Variants in ERCC2 observed in about 807,000 individuals in gnomAD.
ERCC2 encodes ERCC excision repair 2, TFIIH core complex helicase subunit.
Under a neutral mutation model 99.4 loss-of-function variants are expected in ERCC2, and 90 were observed. That is an observed-to-expected ratio of 0.91 (90% CI 0.76 to 1.08). The LOEUF is 1.08. ERCC2 is among the 50% of genes least tolerant of loss of function. ERCC2 has a pLI of 0.00. For missense variants in ERCC2, 993 were observed against 1,038.1 expected (o/e 0.96, Z 0.60); for synonymous variants, 497 against 432.4 (o/e 1.15, Z -1.85).
At chr19:45,363,585 G>A (rs1972302103) in intron 11 of ERCC2, among the ~76,000 whole-genome samples, 158 bp downstream of exon 11, 1 of 152,188 alleles carries the variant, frequency 6.6e-6, no homozygotes, top group Admixed American at 6.5e-5. Context: ...CTTGCTCCCG[G>A]ACCTCCCAGG....
intron 12 of ERCC2, among the ~76,000 whole-genome samples, chr19:45,361,294 G>A (rs1428891004): frequency 1.3e-5 from 2 of 152,040 alleles, no homozygotes; most frequent in Admixed American, 6.6e-5. Flanking sequence ...CACTGCCCAT[G>A]CCATCCTTCT....
rs1047407328 is a variant in ERCC2 at position 45,350,897 on chromosome 19, C to T, written c.*732G>A. On this transcript the variant is annotated 3_prime_UTR_variant, in exon 23 of 23. Transcript: ENST00000391945. ...CAAACCCTGTGCTGGAAAGGTCCCT[C>T]GTGGAGGGGGGCCACTCCTGGATTC... The T allele has an allele frequency of 1.6e-5, 26 of 1,584,712 alleles. No homozygotes were observed. Among genetic ancestry groups the T allele is most frequent in the East Asian group, 4.5e-5 (2 of 44,720 alleles).
At chr19:45,351,748 G>C (rs772080488) in intron 22 of ERCC2, 27 bp from the exon 23 acceptor site, 6 of 1,608,792 alleles carry the variant, frequency 3.7e-6, no homozygotes, top group South Asian at 2.2e-5. Context: ...AAAGGGAGAG[G>C]GGGGCACTGT....
chr19:45,367,805 G>A (rs1446793529), intron 5 of ERCC2, among the ~76,000 whole-genome samples: 1 of 151,564 alleles, frequency 6.6e-6, no homozygotes, highest in Admixed American at 6.6e-5. Context: ...GAGTCACCAT[G>A]CCCAGCCAAG....
chr19:45,370,147 T>G lies in ERCC2; in HGVS notation c.91A>C (p.Thr31Pro). 1 of 1,613,112 alleles carries G rather than the reference T, an allele frequency of 6.2e-7. No homozygotes were observed. Among genetic ancestry groups the G allele is most frequent in the Non-Finnish European group, 8.5e-7 (1 of 1,179,314 alleles). The part of the protein sequence containing the change: ...QFSYMRELKR[T>P]LDAKGHGVLE... ...CGGCCACCCACCTTGGCGTCCAGCG[T>G]GCGTTTGAGCTCCCGCATGTAGGAG... The change falls in exon 2 of 23, where the codon ACG becomes CCG. Residue 31 changes from threonine to proline, a missense_variant. Coordinates refer to ENST00000391945, the MANE Select transcript of ERCC2 (RefSeq NM_000400.4).
chr19:45,355,280 C>T (rs1198100263), intron 16 of ERCC2, among the ~76,000 whole-genome samples: 2 of 152,238 alleles, frequency 1.3e-5, no homozygotes, highest in Non-Finnish European at 2.9e-5. Context: ...TCGCTTGAAC[C>T]CGCAAGGCAG....
Position 45,360,721 on chromosome 19 carries a change from G to A in ERCC2, c.1237+803C>T, listed in dbSNP as rs138977298. Among the ~76,000 whole-genome samples the A allele has an allele frequency of 2.4e-3, 362 of 152,180 alleles. 3 individuals are homozygous for A. The highest frequency in any genetic ancestry group is 0.017 in the Middle Eastern group (5 of 294). ...TTTAGTAAAGATGGGGTTTCGCCATGTTCACCAGGCCAGTCTCGAACTCCT... is the reference window on the plus strand; with the variant it reads ...TTTAGTAAAGATGGGGTTTCGCCATATTCACCAGGCCAGTCTCGAACTCCT... On this transcript the variant is annotated intron_variant, in intron 12 of 22. Transcript: ENST00000391945.
chr19:45,359,923 T>C (rs1972152910), intron 12 of ERCC2, among the ~76,000 whole-genome samples: 1 of 151,744 alleles, frequency 6.6e-6, no homozygotes, highest in Non-Finnish European at 1.5e-5. Context: ...TATAGGTGCG[T>C]GCCACCACGT....
In ERCC2 at chr19:45,350,695, A is replaced by C. The variant is rs747727725; in HGVS notation, c.*934T>G. 2 of 1,613,490 alleles carry C rather than the reference A, an allele frequency of 1.2e-6. No homozygotes were observed. On this transcript the variant is annotated 3_prime_UTR_variant, in exon 23 of 23. Transcript: ENST00000391945. ...GATCCGTGAGTCTATCAGGCGAGGAAGTGAGAAGCTGGTCTCCCGGCTCCG... is the reference window on the plus strand; with the variant it reads ...GATCCGTGAGTCTATCAGGCGAGGACGTGAGAAGCTGGTCTCCCGGCTCCG...
chr19:45,364,381 T>C (rs1367256893), intron 8 of ERCC2, 43 bp downstream of exon 8: 3 of 1,613,746 alleles, frequency 1.9e-6, no homozygotes, highest in Non-Finnish European at 2.5e-6. Flanking sequence ...GGGGCCTCAC[T>C]CAGAGGGGCT....
chr19:45,351,060 G>C lies in ERCC2; in HGVS notation c.*569C>G, dbSNP rs199986033. 1 of 1,613,966 alleles carries C rather than the reference G, an allele frequency of 6.2e-7. No homozygotes were observed. Among genetic ancestry groups the C allele is most frequent in the East Asian group, 2.2e-5 (1 of 44,874 alleles). On this transcript the variant is annotated 3_prime_UTR_variant, in exon 23 of 23. Coordinates refer to ENST00000391945, the MANE Select transcript of ERCC2 (RefSeq NM_000400.4). Reference sequence around the variant, plus strand: ...GTCAAAAATAGAGGAGGCCATGTGGGTAGGTGCAGAGATGAGGCAAAGGCA... The same window carrying C: ...GTCAAAAATAGAGGAGGCCATGTGGCTAGGTGCAGAGATGAGGCAAAGGCA...
rs34517175 is a variant in ERCC2, at chr19:45,352,648, G to A, written c.1904C>T (p.Ala635Val). The A allele has an allele frequency of 6.3e-4, 1,010 of 1,613,814 alleles. 9 individuals are homozygous for A. Among genetic ancestry groups the A allele is most frequent in the Admixed American group, 2.9e-3 (175 of 60,004 alleles). ...CTGGTCCCGCAGGTATTCCAGCCGCGCCTGCAGATACGGAGGATGAGAAGC... is the reference window on the plus strand; with the variant it reads ...CTGGTCCCGCAGGTATTCCAGCCGCACCTGCAGATACGGAGGATGAGAAGC... The part of the protein sequence containing the change: ...YVYTQSRILK[A>V]RLEYLRDQFQ... Residue 635 changes from alanine (A) to valine (V), a missense_variant and splice_region_variant, in exon 21 of 23, where the codon GCG becomes GTG. By Grantham distance (64) the Ala-to-Val change is moderately conservative. This residue lies in a region of ERCC2 where 909 missense variants were observed against 930.8 expected (regional missense o/e 0.98). Transcript: ENST00000391945.
At position 45,361,628 on chromosome 19, in the gene ERCC2, C is replaced by T. The variant is rs200043231; in HGVS notation, c.1133G>A (p.Arg378His). The T allele has an allele frequency of 6.8e-6, 11 of 1,613,424 alleles. No homozygotes were observed. Among genetic ancestry groups the T allele is most frequent in the East Asian group, 2.2e-5 (1 of 44,870 alleles). Residue 378 changes from arginine to histidine, a missense_variant, in exon 12 of 23, where the codon CGC (arginine) becomes CAC (histidine). Coordinates refer to ENST00000391945, the MANE Select transcript of ERCC2 (RefSeq NM_000400.4). The stretch of plus-strand genomic sequence containing the variant: ...CAGAGTATGCAGCAGGGACCGGAGG[C>T]GTTCAGCACAGAATCTGGCGGGGAG... The part of the protein sequence containing the change: ...QRKPLRFCAE[R>H]LRSLLHTLEI...
In ERCC2 at chr19:45,350,475, C is replaced by T. The variant is rs1568527274; in HGVS notation, c.*1154G>A. The T allele has an allele frequency of 6.2e-7, 1 of 1,613,394 alleles. No individual in the cohort carries two copies. The highest frequency in any genetic ancestry group is 1.7e-5 in the Admixed American group (1 of 59,976). On this transcript the variant is annotated 3_prime_UTR_variant, in exon 23 of 23. Coordinates refer to ENST00000391945, the MANE Select transcript of ERCC2 (RefSeq NM_000400.4). ...TCTGTCTTCCCTCCTGGTGGCTTCT[C>T]TATGTCCCCATCTCAGTGTCCCCCA...
At chr19:45,352,875 C>A in intron 19 of ERCC2, 59 bp from the exon 20 acceptor site, 1 of 1,512,048 alleles carries the variant, frequency 6.6e-7, no homozygotes. Context: ...GGGACAGGGA[C>A]AGCCTCACGC....
chr19:45,352,499 G>T lies in ERCC2; in HGVS notation c.2046+7C>A. ...ATGGGAGCACAGGGGCACCCCTGAAGCTGCACCTTGTCGGCAAAGACCATG... is the reference window on the plus strand; with the variant it reads ...ATGGGAGCACAGGGGCACCCCTGAATCTGCACCTTGTCGGCAAAGACCATG... On this transcript the variant is annotated splice_region_variant and intron_variant, in intron 21 of 22. Transcript: ENST00000391945. 1 of 1,614,182 alleles carries T rather than the reference G, an allele frequency of 6.2e-7. No homozygotes were observed. The highest frequency in any genetic ancestry group is 1.1e-5 in the South Asian group (1 of 91,086).
At position 45,364,898 on chromosome 19, in the gene ERCC2, A is replaced by T. The variant is rs767092931; in HGVS notation, c.534T>A (p.Asp178Glu). 1.2e-6 allele frequency: 2 copies of T among 1,614,128 alleles called. No individual in the cohort carries two copies. The highest frequency in any genetic ancestry group is 1.1e-5 in the South Asian group (1 of 91,076). Residue 178 changes from aspartate to glutamate, a missense_variant, in exon 7 of 23, where the codon GAT becomes GAA. Physicochemically the swap from Asp to Glu is conservative, Grantham distance 45. This residue lies in a region of ERCC2 where 909 missense variants were observed against 930.8 expected (regional missense o/e 0.98). Transcript: ENST00000391945. ...VPLPAGIYNL[D>E]DLKALGRRQG... ...GGCGCCGCCCCAGGGCCTTCAGGTC[A>T]TCCAGGTTGTAGATGCCAGCGGGGA...
Position 45,352,246 on chromosome 19 carries a change from T to G in ERCC2, c.2153A>C (p.Lys718Thr). The change falls in exon 22 of 23, where the codon AAG becomes ACG. Residue 718 changes from lysine (K) to threonine (T), a missense_variant. Physicochemically the swap from Lys to Thr is moderately conservative, Grantham distance 78 (BLOSUM62 -1). Around this residue, in one of 3 missense-constraint regions of ERCC2, gnomAD observed 909 missense variants for 930.8 expected, o/e 0.98. Transcript: ENST00000391945. Reference protein sequence around the residue: ...LTVDEGVQVAKYFLRQMAQPF... With the variant: ...LTVDEGVQVATYFLRQMAQPF... ...CTGTGCCATCTGCCGCAGGAAGTAC[T>G]TGGCCACCTGGACACCCTCGTCCAC... The G allele has an allele frequency of 6.2e-7, 1 of 1,614,088 alleles. No homozygotes were observed. Among genetic ancestry groups the G allele is most frequent in the Non-Finnish European group, 8.5e-7 (1 of 1,180,000 alleles).
In ERCC2 at chr19:45,361,515, T is replaced by A. The variant is rs1972218242; in HGVS notation, c.1237+9A>T. On this transcript the variant is annotated intron_variant, in intron 12 of 22. Coordinates refer to ENST00000391945, the MANE Select transcript of ERCC2 (RefSeq NM_000400.4). ...GAGGCCCAGCAGGGACAGAAAAAGG[T>A]GAGCTTACCTTTGGCGTAGGTGCTG... 1 of 1,602,458 alleles carries A rather than the reference T, an allele frequency of 6.2e-7. No individual in the cohort carries two copies. The highest frequency in any genetic ancestry group is 1.7e-5 in the Admixed American group (1 of 59,940).
Sources: gnomAD v4.1 joint callset for allele counts (sites outside exome capture counted in the v4.1 genomes callset) on GRCh38, gnomAD v4.1.1 for gene constraint, gnomAD v4.1.1 regional missense constraint, MANE v1.5 for transcripts, NCBI Gene and HGNC (gene_info 2026-07-23, HGNC 2026-07-21) for gene names.